Variants in VSIG10 observed in about 807,000 individuals in gnomAD.
The protein encoded by VSIG10 is V-set and immunoglobulin domain-containing protein 10.
A neutral mutation model predicts 58.7 loss-of-function variants in VSIG10; 48 were observed. The ratio of observed to expected loss-of-function variants is 0.82; its 90% confidence interval spans 0.65 to 1.04. VSIG10 has a LOEUF of 1.04. VSIG10 is among the 50% of genes least tolerant of loss of function. The pLI, the probability that VSIG10 is intolerant of heterozygous loss-of-function variation, is 0.00. For synonymous variants in VSIG10, 260 were observed against 267.1 expected, an observed-to-expected ratio of 0.97 and a Z score of 0.26; for missense variants, 628 against 670.0, an observed-to-expected ratio of 0.94 and a Z score of 0.69.
At chr12:118,097,746 A>T (rs1592897354) in intron 1 of VSIG10, among the ~76,000 whole-genome samples, 1 of 151,670 alleles carries the variant, frequency 6.6e-6, no homozygotes, top group Admixed American at 6.6e-5. Context: ...ACATGGTGAA[A>T]CCCCGTCTCT....
chr12:118,103,685 C>A lies in VSIG10; in HGVS notation c.-14G>T. The stretch of plus-strand genomic sequence containing the variant: ...GCCTGCGGCCATCTCGCCCCAGATC[C>A]CGGCTCAGGAAACGCAGGCTCGGGC... On this transcript the variant is annotated 5_prime_UTR_variant, in exon 1 of 9. Coordinates refer to ENST00000359236, the MANE Select transcript of VSIG10 (RefSeq NM_019086.6). 2 of 1,480,182 alleles carry A rather than the reference C, an allele frequency of 1.4e-6. No homozygotes were observed. Among genetic ancestry groups the A allele is most frequent in the African/African-American group, 1.5e-5 (1 of 68,588 alleles). 91.7% of individuals were successfully genotyped at this position (1,480,182 alleles called of 1,614,324 possible).
At chr12:118,094,737 ATT>A (rs770952050) in intron 2 of VSIG10, among the ~76,000 whole-genome samples, 2 of 132,926 alleles carry the variant, frequency 1.5e-5, no homozygotes, top group East Asian at 2.3e-4. Flanking sequence ...AGAAGCAATA[ATT>A]TTTTTTTTTT....
chr12:118,103,618 C>T lies in VSIG10; in HGVS notation c.54G>A (p.Ala18=). 8 of 1,517,728 alleles carry T rather than the reference C, an allele frequency of 5.3e-6. No individual in the cohort carries two copies. The highest frequency in any genetic ancestry group is 7.0e-6 in the Non-Finnish European group (8 of 1,138,966). 94.0% of individuals were successfully genotyped at this position (1,517,728 alleles called of 1,614,324 possible). Residue 18 remains alanine, a synonymous_variant, in exon 1 of 9, where the codon GCG becomes GCA. Transcript: ENST00000359236. Reference sequence around the variant, plus strand: ...CTACGGCGACCCAGCCGGCCAGGAGCGCCCCGAGGCAGACGAGGACGCGGG... The same window carrying T: ...CTACGGCGACCCAGCCGGCCAGGAGTGCCCCGAGGCAGACGAGGACGCGGG... The part of the protein sequence containing the change: ...PEPRVLVCLG[A]LLAGWVAVGL...
chr12:118,092,196 T>C (rs2033319934), intron 2 of VSIG10, among the ~76,000 whole-genome samples: 1 of 152,174 alleles, frequency 6.6e-6, no homozygotes, highest in Admixed American at 6.6e-5. Flanking sequence ...TGGCTGGGAC[T>C]ACAGGTGCAT....
At chr12:118,067,222 C>A (rs1159726101) in intron 8 of VSIG10, among the ~76,000 whole-genome samples, 1 of 152,078 alleles carries the variant, frequency 6.6e-6, no homozygotes, top group East Asian at 1.9e-4. Flanking sequence ...ACACGTTTTG[C>A]CATGTTCCCA....
chr12:118,091,453 C>G (rs1026164240), intron 2 of VSIG10, among the ~76,000 whole-genome samples: 13 of 150,790 alleles, frequency 8.6e-5, no homozygotes, highest in Non-Finnish European at 1.6e-4. Flanking sequence ...GATCGTGCCA[C>G]TGCACTCCAG....
At position 118,066,354 on chromosome 12, in the gene VSIG10, T is replaced by A. The variant is rs1289527060; in HGVS notation, c.*285A>T. On this transcript the variant is annotated 3_prime_UTR_variant, in exon 9 of 9. Transcript: ENST00000359236. ...ATCTATCACAGTAGATCAACCTGGATAAAGCCAGGATTCACAGCAGAAGTG... is the reference window on the plus strand; with the variant it reads ...ATCTATCACAGTAGATCAACCTGGAAAAAGCCAGGATTCACAGCAGAAGTG... The A allele has an allele frequency of 4.5e-6, 2 of 448,942 alleles. No homozygotes were observed. Among genetic ancestry groups the A allele is most frequent in the Admixed American group, 3.7e-5 (1 of 27,270 alleles). The allele number at this position is 448,942 out of a possible 1,614,324, so 27.8% of individuals were successfully genotyped here.
intron 2 of VSIG10, among the ~76,000 whole-genome samples, chr12:118,087,199 C>G (rs554768310): frequency 3.3e-5 from 5 of 152,166 alleles, no homozygotes; most frequent in African/African-American, 7.2e-5. Flanking sequence ...CCTTCAACTT[C>G]ACCTTTCAAT....
chr12:118,091,783 G>A (rs189206419), intron 2 of VSIG10, among the ~76,000 whole-genome samples: 1 of 151,850 alleles, frequency 6.6e-6, no homozygotes, highest in African/African-American at 2.4e-5. Context: ...TTGAGACGGA[G>A]TTTCACTCTT....
Position 118,103,985 on chromosome 12 carries a change from C to A in VSIG10, c.-314G>T. ...CAGGAGCGGGATCCCTCCCGCCTCC[C>A]AGCCAGGCGGGAGCCCAACTTCCTC... On this transcript the variant is annotated 5_prime_UTR_variant, in exon 1 of 9. Coordinates refer to ENST00000359236, the MANE Select transcript of VSIG10 (RefSeq NM_019086.6). 3.8e-6 allele frequency: 1 copy of A among 264,908 alleles called. No individual in the cohort carries two copies. The highest frequency in any genetic ancestry group is 7.2e-6 in the Non-Finnish European group (1 of 139,730). 16.4% of individuals were successfully genotyped at this position (264,908 alleles called of 1,614,324 possible).
intron 2 of VSIG10, among the ~76,000 whole-genome samples, chr12:118,093,545 C>CA (rs1259747775): frequency 6.6e-6 from 1 of 151,976 alleles, no homozygotes; most frequent in Non-Finnish European, 1.5e-5. Context: ...GCAGATATGA[C>CA]AGACTGTTTT....
chr12:118,094,882 G>T (rs1194937161), intron 2 of VSIG10, among the ~76,000 whole-genome samples: 1 of 149,180 alleles, frequency 6.7e-6, no homozygotes, highest in East Asian at 2.0e-4. Flanking sequence ...GATTACAGGC[G>T]TGCGCCACCA....
chr12:118,091,981 A>ACTC (rs1245396651), intron 2 of VSIG10, among the ~76,000 whole-genome samples: 3 of 151,938 alleles, frequency 2.0e-5, no homozygotes, highest in Non-Finnish European at 4.4e-5. Flanking sequence ...CTGGTCTTGA[A>ACTC]CTGACCTCAG....
In VSIG10 at chr12:118,064,277, C is replaced by T. The variant is rs1406531128; in HGVS notation, c.*2362G>A. The T allele has an allele frequency of 6.6e-6, 1 of 152,128 alleles. No individual in the cohort carries two copies. Among genetic ancestry groups the T allele is most frequent in the Admixed American group, 6.6e-5 (1 of 15,266 alleles). The allele number at this position is 152,128 out of a possible 1,614,324, so 9.4% of individuals were successfully genotyped here. On this transcript the variant is annotated 3_prime_UTR_variant, in exon 9 of 9. Coordinates refer to ENST00000359236, the MANE Select transcript of VSIG10 (RefSeq NM_019086.6). ...TGACAGCAGTCACAGCTCAGCTGGTCAAAGGTTTATAGTGTTTGACACCAG... is the reference window on the plus strand; with the variant it reads ...TGACAGCAGTCACAGCTCAGCTGGTTAAAGGTTTATAGTGTTTGACACCAG...
At chr12:118,082,028 A>G (rs1393293985) in intron 3 of VSIG10, 99 bp downstream of exon 3, 4 of 1,313,948 alleles carry the variant, frequency 3.0e-6, no homozygotes, top group African/African-American at 1.5e-5. Context: ...AAAAAAAAAA[A>G]AAAAAAAAAA....
chr12:118,083,872 A>T (rs1287840427), intron 2 of VSIG10, among the ~76,000 whole-genome samples: 2 of 151,030 alleles, frequency 1.3e-5, no homozygotes, highest in East Asian at 4.0e-4. Context: ...CTGCAATCCT[A>T]GCATTTTGGG....
intron 2 of VSIG10, among the ~76,000 whole-genome samples, chr12:118,088,560 A>C (rs1026973529): frequency 6.6e-6 from 1 of 152,186 alleles, no homozygotes; most frequent in Non-Finnish European, 1.5e-5. Flanking sequence ...CATCCCAGAA[A>C]GAGGCTGAAT....
intron 7 of VSIG10, among the ~76,000 whole-genome samples, chr12:118,070,409 T>C (rs1223201286): frequency 1.3e-5 from 2 of 151,540 alleles, no homozygotes; most frequent in Non-Finnish European, 2.9e-5. Context: ...TTAGCCAGGC[T>C]TGATGGTGCG....
intron 4 of VSIG10, 125 bp from the exon 5 acceptor site, chr12:118,074,117 C>T (rs558220669): frequency 2.9e-4 from 321 of 1,112,816 alleles, no homozygotes; most frequent in Non-Finnish European, 3.7e-4. Context: ...AGGTTTTGCT[C>T]TGTTGCCCAG....
Sources: gnomAD v4.1 joint callset for allele counts (sites outside exome capture counted in the v4.1 genomes callset) on GRCh38, gnomAD v4.1.1 for gene constraint, MANE v1.5 for transcripts, NCBI Gene and HGNC (gene_info 2026-07-23, HGNC 2026-07-21) for gene names.